CACNA2D1: variants seen among roughly 807,000 people sequenced by gnomAD.
CACNA2D1 encodes the protein voltage-dependent calcium channel subunit alpha-2/delta-1.
In CACNA2D1, 53 loss-of-function variants were observed where a neutral mutation model predicts 171.5. The ratio of observed to expected loss-of-function variants is 0.31; its 90% CI spans 0.25 to 0.39. The LOEUF (loss-of-function observed/expected upper bound fraction) is 0.39, where lower values mean the gene tolerates loss of function less well. Among genes scored for constraint, CACNA2D1 ranks in the 10% least tolerant of loss-of-function variants. The pLI, the probability that CACNA2D1 is intolerant of heterozygous loss-of-function variation, is 1.00. For synonymous variants in CACNA2D1, 442 were observed against 443.1 expected, an observed-to-expected ratio of 1.00 and a Z score of 0.03; for missense variants, 903 against 1,299.8, an observed-to-expected ratio of 0.69 and a Z score of 4.69.
chr7:82,030,353 A>G (rs990002430), intron 12 of CACNA2D1, among the ~76,000 whole-genome samples: 5 of 151,534 alleles, frequency 3.3e-5, no homozygotes, highest in African/African-American at 1.2e-4. Flanking sequence ...AATTAATGAT[A>G]TGCCTCCAAG....
chr7:82,224,842 A>G lies in CACNA2D1; in HGVS notation c.295-54233T>C, dbSNP rs1296973473. Among the ~76,000 whole-genome samples the G allele has an allele frequency of 2.6e-5, 4 of 152,180 alleles. No individual in the cohort carries two copies. The South Asian group carries it at 8.3e-4, about 32-fold the overall frequency. On this transcript the variant is annotated intron_variant, in intron 3 of 38. Coordinates refer to ENST00000356860, the MANE Select transcript of CACNA2D1 (RefSeq NM_000722.4). ...TGCTTTTATTTGGATGTGAAATTCA[A>G]ACCTAAGTTGGAATGCCCCACTGTT...
rs149127118 is a variant in CACNA2D1 at position 82,307,506 on chromosome 7, T to C, written c.294+27629A>G. On this transcript the variant is annotated intron_variant, in intron 3 of 38. Transcript: ENST00000356860. ...ACTATATAATTTATAAATTTATAAT[T>C]CTTAAAATAATTATATAATTTATAA... 5.1e-3 allele frequency among the ~76,000 whole-genome samples: 767 copies of C among 150,216 alleles called. 20 individuals carry two copies. The East Asian group carries it at 0.081, about 16-fold the overall frequency.
At chr7:82,234,717 C>T (rs374327206) in intron 3 of CACNA2D1, among the ~76,000 whole-genome samples, 2 of 152,150 alleles carry the variant, frequency 1.3e-5, no homozygotes, top group East Asian at 3.8e-4. Flanking sequence ...TCAATCCATT[C>T]TCAAAAATTA....
intron 2 of CACNA2D1, among the ~76,000 whole-genome samples, chr7:82,346,266 A>T (rs1396196188): frequency 4.6e-5 from 7 of 152,184 alleles, no homozygotes; most frequent in Non-Finnish European, 1.0e-4. Context: ...TATCTTTGTC[A>T]TACTGGCCCA....
At chr7:82,186,857 T>A (rs536064470) in intron 3 of CACNA2D1, among the ~76,000 whole-genome samples, 2 of 152,294 alleles carry the variant, frequency 1.3e-5, no homozygotes, top group African/African-American at 4.8e-5. Context: ...GGCTTTCCAC[T>A]CATTACATAT....
At chr7:81,963,196 CAG>C (rs1481392483) in intron 34 of CACNA2D1, among the ~76,000 whole-genome samples, 1 of 151,704 alleles carries the variant, frequency 6.6e-6, no homozygotes, top group Non-Finnish European at 1.5e-5. Context: ...CAGAATAAAA[CAG>C]AATTTTCTAA....
chr7:82,432,829 T>C (rs563074630), intron 1 of CACNA2D1, among the ~76,000 whole-genome samples: 1 of 152,290 alleles, frequency 6.6e-6, no homozygotes, highest in South Asian at 2.1e-4. Flanking sequence ...TGTTCTTTTA[T>C]CTGTTTCTTT....
chr7:81,968,793 G>A, intron 29 of CACNA2D1, 94 bp downstream of exon 29: 1 of 769,798 alleles, frequency 1.3e-6, no homozygotes, highest in Non-Finnish European at 2.3e-6. Flanking sequence ...GACACCTTTT[G>A]ATGACCTTCT....
intron 3 of CACNA2D1, among the ~76,000 whole-genome samples, chr7:82,225,944 T>C (rs1393073769): frequency 2.0e-5 from 3 of 152,168 alleles, no homozygotes; most frequent in African/African-American, 7.2e-5. Context: ...AAAAGGATAA[T>C]AGTCATCTAT....
chr7:82,114,435 T>C (rs1258668019), intron 6 of CACNA2D1, among the ~76,000 whole-genome samples: 1 of 152,078 alleles, frequency 6.6e-6, no homozygotes, highest in African/African-American at 2.4e-5. Context: ...TGACTACCAA[T>C]ACTAGACAGA....
intron 3 of CACNA2D1, among the ~76,000 whole-genome samples, chr7:82,304,805 C>A (rs1471886737): frequency 6.6e-6 from 1 of 152,078 alleles, no homozygotes; most frequent in Non-Finnish European, 1.5e-5. Context: ...TGATTGATAA[C>A]ACAGTAGGGG....
At position 82,117,179 on chromosome 7, in the gene CACNA2D1, T is replaced by A. The variant is rs200817801; in HGVS notation, c.397-6A>T. ...TCACTGTCATTTTTCTCAGGCTATA[T>A]AGAAAAAGAATAAACAGAATATTAC... On this transcript the variant is annotated splice_polypyrimidine_tract_variant and splice_region_variant and intron_variant, in intron 5 of 38. Transcript: ENST00000356860. 1 of 1,613,162 alleles carries A rather than the reference T, an allele frequency of 6.2e-7. No homozygotes were observed. Among genetic ancestry groups the A allele is most frequent in the South Asian group, 1.1e-5 (1 of 91,074 alleles).
chr7:82,377,882 G>A (rs1544463), intron 1 of CACNA2D1, among the ~76,000 whole-genome samples: 94,895 of 151,994 alleles, frequency 0.62, 30,204 homozygotes, highest in Middle Eastern at 0.74. Flanking sequence ...TCCAAAGGAT[G>A]TAGTCTAAAT....
At chr7:81,973,124 TA>T (rs761599124) in intron 25 of CACNA2D1, among the ~76,000 whole-genome samples, 10 of 152,096 alleles carry the variant, frequency 6.6e-5, no homozygotes, top group Non-Finnish European at 1.0e-4. Context: ...ACATTTCTGA[TA>T]AACTCATTTT....
chr7:82,121,135 T>C (rs1368002348), intron 5 of CACNA2D1, among the ~76,000 whole-genome samples: 2 of 152,084 alleles, frequency 1.3e-5, no homozygotes, highest in Non-Finnish European at 2.9e-5. Flanking sequence ...CATGGCTCAC[T>C]ACACCCTTGA....
At chr7:81,982,883 C>T in intron 23 of CACNA2D1, 1 of 559,480 alleles carries the variant, frequency 1.8e-6, no homozygotes, top group Non-Finnish European at 3.2e-6. Flanking sequence ...CTATAATTTT[C>T]TGATCTAACC....
Position 82,011,597 on chromosome 7 carries a change from A to G in CACNA2D1, c.1362+557T>C, listed in dbSNP as rs182541516. On this transcript the variant is annotated intron_variant, in intron 15 of 38. Coordinates refer to ENST00000356860, the MANE Select transcript of CACNA2D1 (RefSeq NM_000722.4). ...GATCGCCTCAATGACGTATTTCCATAAAAAGTATGAGGTTGAATCTAGCAC... is the reference window on the plus strand; with the variant it reads ...GATCGCCTCAATGACGTATTTCCATGAAAAGTATGAGGTTGAATCTAGCAC... Among the ~76,000 whole-genome samples, 382 of 152,318 alleles carry G rather than the reference A, an allele frequency of 2.5e-3. 3 individuals carry two copies. Among genetic ancestry groups the G allele is most frequent in the African/African-American group, 8.7e-3 (363 of 41,578 alleles).
chr7:82,000,878 C>T (rs771738063), intron 18 of CACNA2D1, among the ~76,000 whole-genome samples: 7 of 132,070 alleles, frequency 5.3e-5, no homozygotes, highest in Non-Finnish European at 1.1e-4. Context: ...ATCGGCCCTC[C>T]TCAGCCTCCC....
chr7:82,180,671 C>T (rs1797028637), intron 3 of CACNA2D1, among the ~76,000 whole-genome samples: 1 of 152,072 alleles, frequency 6.6e-6, no homozygotes, highest in Non-Finnish European at 1.5e-5. Flanking sequence ...GGAATTAGTC[C>T]TATGGGACGG....
Sources: allele counts gnomAD v4.1 joint callset (sites outside exome capture counted in the v4.1 genomes callset), GRCh38; gene constraint gnomAD v4.1.1; transcripts MANE v1.5; gene names NCBI Gene and HGNC (gene_info 2026-07-23, HGNC 2026-07-21).